Variants in MED24 observed in about 807,000 individuals in gnomAD.
MED24 encodes mediator complex subunit 24.
Under a neutral mutation model 118.8 loss-of-function variants are expected in MED24, and 74 were observed. The observed-to-expected ratio is 0.62, with a 90% CI of 0.52 to 0.76. The LOEUF (loss-of-function observed/expected upper bound fraction) is 0.76. Ranked by LOEUF, MED24 falls within the 30% of genes least tolerant of loss-of-function variation. The pLI, the probability that MED24 is intolerant of heterozygous loss-of-function variation, is 0.00. For synonymous variants in MED24, 521 were observed against 523.9 expected, an observed-to-expected ratio of 0.99 and a Z score of 0.08; for missense variants, 1,041 against 1,278.9, an observed-to-expected ratio of 0.81 and a Z score of 2.84.
At chr17:40,020,057 G>A in intron 24 of MED24, 124 bp from the exon 25 acceptor site, 5 of 1,244,702 alleles carry the variant, frequency 4.0e-6, no homozygotes, top group Non-Finnish European at 4.5e-6. Flanking sequence ...CCAAAATGGG[G>A]TGTCAGAGAG....
Position 40,033,393 on chromosome 17 carries a change from T to G in MED24, c.623A>C (p.Asn208Thr). 1 of 1,611,796 alleles carries G rather than the reference T, an allele frequency of 6.2e-7. No homozygotes were observed. The highest frequency in any genetic ancestry group is 1.1e-5 in the South Asian group (1 of 90,592). ...KLGEILANLSNPQLRSQAEQC... is the reference protein window; with the variant it reads ...KLGEILANLSTPQLRSQAEQC... Reference sequence around the variant, plus strand: ...CTCGGCCTGACTCCGGAGCTGCGGGTTGCTGAGATTGGCCAGGATCTCTCC... The same window carrying G: ...CTCGGCCTGACTCCGGAGCTGCGGGGTGCTGAGATTGGCCAGGATCTCTCC... Residue 208 changes from asparagine (N) to threonine (T), a missense_variant, in exon 7 of 26, where the codon AAC (asparagine) becomes ACC (threonine). Coordinates refer to ENST00000394128, the MANE Select transcript of MED24 (RefSeq NM_014815.4). This position sits in a 1 kb window ranked among gnomAD's most constrained non-coding sequence, Gnocchi z 5.2.
rs1012772284 is a variant in MED24 at position 40,031,924 on chromosome 17, G to A, written c.984+119C>T. The A allele has an allele frequency of 4.3e-6, 5 of 1,170,950 alleles. No individual in the cohort carries two copies. The Admixed American group carries it at 6.5e-5, about 15-fold the overall frequency. The allele number at this position is 1,170,950 out of a possible 1,614,324, so 72.5% of individuals were successfully genotyped here. A position where few individuals can be genotyped will look rare whatever the true frequency, so the allele number is the denominator to read the frequency against. On this transcript the variant is annotated intron_variant, in intron 10 of 25. Transcript: ENST00000394128. Reference sequence around the variant, plus strand: ...CATTGTGAAGCACGTGCACGCTGAGGTGTACACTCACATCCGGCTCTCTTC... The same window carrying A: ...CATTGTGAAGCACGTGCACGCTGAGATGTACACTCACATCCGGCTCTCTTC...
chr17:40,053,623 C>T lies in MED24; in HGVS notation c.-25G>A, dbSNP rs955241207. 6.2e-7 allele frequency: 1 copy of T among 1,613,776 alleles called. No individual in the cohort carries two copies. The highest frequency in any genetic ancestry group is 1.3e-5 in the African/African-American group (1 of 74,948). On this transcript the variant is annotated 5_prime_UTR_variant, in exon 2 of 26. Coordinates refer to ENST00000394128, the MANE Select transcript of MED24 (RefSeq NM_014815.4). ...TTATTTCACTCTGAGCAGGTGGCAG[C>T]GGTGGCGGCCAGCTTTGAGGTGAAA... is the stretch of plus-strand genomic sequence containing the variant.
rs970013137 is a variant in MED24, at chr17:40,033,744, G to C, written c.560-288C>G. Reference sequence around the variant, plus strand: ...TGGCATCACACAGGCTCAGGAGAGAGAGGCAGAGGGAGGCCAGAATCCAGT... The same window carrying C: ...TGGCATCACACAGGCTCAGGAGAGACAGGCAGAGGGAGGCCAGAATCCAGT... On this transcript the variant is annotated intron_variant, in intron 6 of 25. Transcript: ENST00000394128. This position sits in a 1 kb window ranked among gnomAD's most constrained non-coding sequence, Gnocchi z 5.2. 4 of 556,756 alleles carry C rather than the reference G, an allele frequency of 7.2e-6. No individual in the cohort carries two copies. Among genetic ancestry groups the C allele is most frequent in the Non-Finnish European group, 1.4e-5 (4 of 292,564 alleles). 34.5% of individuals were successfully genotyped at this position (556,756 alleles called of 1,614,324 possible).
At chr17:40,041,311 C>G (rs780665046) in intron 3 of MED24, among the ~76,000 whole-genome samples, 4 of 152,190 alleles carry the variant, frequency 2.6e-5, no homozygotes, top group Non-Finnish European at 4.4e-5. Context: ...CTTCCCTACT[C>G]TCTGGCCCCT....
At chr17:40,031,323 A>C in intron 11 of MED24, 78 bp from the exon 12 acceptor site, 1 of 1,386,198 alleles carries the variant, frequency 7.2e-7, no homozygotes, top group Non-Finnish European at 1.0e-6. Flanking sequence ...GTCCCTGAGC[A>C]GCATCCTCCC....
Position 40,027,447 on chromosome 17 carries a change from C to G in MED24, c.1466G>C (p.Arg489Pro). 6.2e-7 allele frequency: 1 copy of G among 1,612,720 alleles called. No individual in the cohort carries two copies. Among genetic ancestry groups the G allele is most frequent in the Non-Finnish European group, 8.5e-7 (1 of 1,179,328 alleles). ...SEESTKPASV[R>P]ALLFDISFLM... ...GAAGGAGATGTCAAACAGCAGGGCC[C>G]GGACGGAGGCCGGTTTGGCTGTGGA... The change falls in exon 16 of 26, where the codon CGG becomes CCG. Residue 489 changes from arginine (R) to proline (P), a missense_variant. Physicochemically the swap from Arg to Pro is moderately radical, Grantham distance 103. Around this residue, in one of 3 missense-constraint regions of MED24, gnomAD observed 587 missense variants for 694.4 expected, o/e 0.85. Coordinates refer to ENST00000394128, the MANE Select transcript of MED24 (RefSeq NM_014815.4).
intron 15 of MED24, 91 bp from the exon 16 acceptor site, chr17:40,027,556 G>A (rs1464694910): frequency 1.6e-6 from 2 of 1,266,852 alleles, no homozygotes; most frequent in Non-Finnish European, 2.2e-6. Context: ...CCTCTAGGAA[G>A]GTCAGGGACC....
chr17:40,024,575 G>A (rs1394514392), intron 19 of MED24, among the ~76,000 whole-genome samples: 1 of 151,984 alleles, frequency 6.6e-6, no homozygotes, highest in South Asian at 2.1e-4. Context: ...CATCCTCAAC[G>A]TTGCCATAAA....
chr17:40,054,044 C>A (rs936995923), intron 1 of MED24: 2 of 238,042 alleles, frequency 8.4e-6, no homozygotes, highest in Non-Finnish European at 1.7e-5. Flanking sequence ...GCAGTAGAAT[C>A]GCTTGAACCC....
At chr17:40,051,160 A>AT (rs1327613341) in intron 3 of MED24, among the ~76,000 whole-genome samples, 25 of 137,016 alleles carry the variant, frequency 1.8e-4, no homozygotes, top group African/African-American at 7.1e-4. Context: ...AAAAAAAAAA[A>AT]TTTTGCCAGG....
chr17:40,053,752 ATTTG>A, intron 1 of MED24, 117 bp from the exon 2 acceptor site: 2 of 1,342,048 alleles, frequency 1.5e-6, no homozygotes, highest in Admixed American at 4.2e-5. Flanking sequence ...AGACAGAGGA[ATTTG>A]AAAGAAAAAG....
chr17:40,053,531 C>T lies in MED24; in HGVS notation c.68G>A (p.Trp23Ter). The T allele has an allele frequency of 1.2e-6, 2 of 1,614,164 alleles. No individual in the cohort carries two copies. The highest frequency in any genetic ancestry group is 1.7e-6 in the Non-Finnish European group (2 of 1,180,040). ...AAAGAATTTCTTCATGTTGATTGCC[C>T]ATTGGTAGTCACTCCAGCGCTCCTT... Reference protein sequence around the residue: ...AWKERWSDYQWAINMKKFFPK... With the variant: ...AWKERWSDYQ Residue 23 changes from tryptophan to a stop codon, truncating the protein, a stop_gained, in exon 2 of 26, where the codon TGG becomes TAG. Coordinates refer to ENST00000394128, the MANE Select transcript of MED24 (RefSeq NM_014815.4). LOFTEE classifies it high-confidence loss of function.
In MED24 at chr17:40,053,495, G is replaced by A. The variant is rs892955753; in HGVS notation, c.104C>T (p.Ala35Val). 3.7e-5 allele frequency: 59 copies of A among 1,614,036 alleles called. No individual in the cohort carries two copies. The highest frequency in any genetic ancestry group is 4.8e-5 in the Non-Finnish European group (57 of 1,180,044). Residue 35 changes from alanine (A) to valine (V), a missense_variant, in exon 2 of 26, where the codon GCC (alanine) becomes GTC (valine). Around this residue, in one of 3 missense-constraint regions of MED24, gnomAD observed 434 missense variants for 514.9 expected, o/e 0.84. Coordinates refer to ENST00000394128, the MANE Select transcript of MED24 (RefSeq NM_014815.4). The part of the protein sequence containing the change: ...INMKKFFPKG[A>V]TWDILNLADA... ...TGCCAGGTTGAGAATATCCCAGGTG[G>A]CTCCTTTAGGAAAGAATTTCTTCAT...
intron 6 of MED24, 96 bp downstream of exon 6, chr17:40,035,021 A>G (rs1264736948): frequency 3.1e-6 from 5 of 1,612,602 alleles, no homozygotes; most frequent in Non-Finnish European, 4.2e-6. Flanking sequence ...ATCCTCCTGG[A>G]AAGAGGTGGG....
Position 40,022,669 on chromosome 17 carries a change from T to G in MED24, c.2408A>C (p.Asp803Ala). Residue 803 changes from aspartate (D) to alanine (A), a missense_variant, in exon 21 of 26, where the codon GAC becomes GCC. This residue lies in a region of MED24 where 587 missense variants were observed against 694.4 expected (regional missense o/e 0.85). Transcript: ENST00000394128. ...CTTGGCAAGAGCAGTGCCCGGGGGG[T>G]CCATGAGGCTGTGCCACTTGGAGGA... The part of the protein sequence containing the change: ...TDSSKWHSLM[D>A]PPGTALAKLA... 1 of 1,612,304 alleles carries G rather than the reference T, an allele frequency of 6.2e-7. No homozygotes were observed.
At chr17:40,034,855 C>T in intron 6 of MED24, 5 of 223,230 alleles carry the variant, frequency 2.2e-5, no homozygotes, top group South Asian at 1.4e-4. Context: ...TTGGTAGCCC[C>T]CCACCCCCCA....
At chr17:40,020,103 G>A in intron 24 of MED24, 170 bp from the exon 25 acceptor site, 2 of 745,214 alleles carry the variant, frequency 2.7e-6, no homozygotes, top group Non-Finnish European at 2.2e-6. Flanking sequence ...GGGGAGGAGG[G>A]GGAACTAGAC....
intron 3 of MED24, among the ~76,000 whole-genome samples, chr17:40,039,781 ATTTT>A (rs869107070): frequency 1.6e-5 from 2 of 127,690 alleles, no homozygotes; most frequent in Non-Finnish European, 3.3e-5. Flanking sequence ...ACCATGCTTA[ATTTT>A]TTTTTTTTTT....
Sources: allele counts gnomAD v4.1 joint callset (sites outside exome capture counted in the v4.1 genomes callset), GRCh38; gene constraint gnomAD v4.1.1; regional missense constraint gnomAD v4.1.1; non-coding constraint Gnocchi (gnomAD v3.1); transcripts MANE v1.5; gene names NCBI Gene and HGNC (gene_info 2026-07-23, HGNC 2026-07-21).